Variants in TSHZ1 observed in about 807,000 individuals in gnomAD.
TSHZ1 encodes teashirt zinc finger homeobox 1.
A neutral mutation model predicts 67.1 loss-of-function variants in TSHZ1; 12 were observed. That is an observed-to-expected ratio of 0.18 (90% CI 0.11 to 0.29). The LOEUF (loss-of-function observed/expected upper bound fraction) is 0.29, where lower values mean the gene tolerates loss of function less well. Ranked by LOEUF, TSHZ1 falls within the 10% of genes least tolerant of loss-of-function variation. TSHZ1 has a pLI of 1.00. For missense variants in TSHZ1, 1,305 were observed against 1,413.9 expected (o/e 0.92, Z 1.23); for synonymous variants, 632 against 622.4 (o/e 1.02, Z -0.23).
At position 75,211,831 on chromosome 18, in the gene TSHZ1, C is replaced by G; in HGVS notation, c.-46C>G. ...CGGGGCCCCGCGTCCCCGCGCCCCG[C>G]GAACTCCGGCGGCGGCTGAGGCGAC... On this transcript the variant is annotated 5_prime_UTR_variant, in exon 1 of 2. Coordinates refer to ENST00000580243, the MANE Select transcript of TSHZ1 (RefSeq NM_001308210.2). The G allele has an allele frequency of 9.0e-7, 1 of 1,112,170 alleles. No individual in the cohort carries two copies. The highest frequency in any genetic ancestry group is 1.1e-6 in the Non-Finnish European group (1 of 912,204). 68.9% of individuals were successfully genotyped at this position (1,112,170 alleles called of 1,614,324 possible).
chr18:75,235,278 A>T (rs2023052992), intron 1 of TSHZ1, among the ~76,000 whole-genome samples: 1 of 152,106 alleles, frequency 6.6e-6, no homozygotes, highest in South Asian at 2.1e-4. Context: ...CCTTATGCTC[A>T]TTCTTGCCTT....
intron 1 of TSHZ1, among the ~76,000 whole-genome samples, chr18:75,218,668 A>G (rs1439203645): frequency 6.6e-6 from 1 of 152,258 alleles, no homozygotes; most frequent in Middle Eastern, 3.4e-3. Context: ...GAGCCGTTCC[A>G]CCCTAGCAGC....
chr18:75,270,822 CT>C (rs1474721353), intron 1 of TSHZ1, among the ~76,000 whole-genome samples: 1 of 152,002 alleles, frequency 6.6e-6, no homozygotes, highest in African/African-American at 2.4e-5. Context: ...AATGTATTTT[CT>C]TTTTTTCTGA....
At chr18:75,273,057 G>A (rs913134688) in intron 1 of TSHZ1, among the ~76,000 whole-genome samples, 6 of 152,180 alleles carry the variant, frequency 3.9e-5, no homozygotes, top group Non-Finnish European at 5.9e-5. Context: ...TCCATAGTGC[G>A]TGTGGGTATT....
At chr18:75,241,885 C>T (rs375287423) in intron 1 of TSHZ1, among the ~76,000 whole-genome samples, 75 of 149,004 alleles carry the variant, frequency 5.0e-4, no homozygotes, top group African/African-American at 1.4e-3. Flanking sequence ...CTGCCTTCTC[C>T]GTGTGTCCTC....
intron 1 of TSHZ1, among the ~76,000 whole-genome samples, chr18:75,245,581 T>A (rs1429318614): frequency 6.6e-6 from 1 of 152,230 alleles, no homozygotes; most frequent in African/African-American, 2.4e-5. Flanking sequence ...ACCGCAAGAA[T>A]GGAGAATTTT....
intron 1 of TSHZ1, among the ~76,000 whole-genome samples, chr18:75,224,660 C>G (rs1025708547): frequency 6.6e-6 from 1 of 152,088 alleles, no homozygotes; most frequent in Non-Finnish European, 1.5e-5. Flanking sequence ...AACATTTGGA[C>G]TCGATTTGGA....
chr18:75,289,582 ATTTTAATCTCTTCAACTTTCTTTGTACC>A lies in TSHZ1; in HGVS notation c.*944_*971del. 6.0e-6 allele frequency: 1 copy of A among 167,228 alleles called. No homozygotes were observed. The highest frequency in any genetic ancestry group is 1.5e-5 in the Non-Finnish European group (1 of 68,118). The allele number at this position is 167,228 out of a possible 1,614,324, so 10.4% of individuals were successfully genotyped here. A position where few individuals can be genotyped will look rare whatever the true frequency, so the allele number is the denominator to read the frequency against. On this transcript the variant is annotated 3_prime_UTR_variant, in exon 2 of 2. Coordinates refer to ENST00000580243, the MANE Select transcript of TSHZ1 (RefSeq NM_001308210.2). ...ACTCCTGTATGTTACATATCGTACCATTTTAATCTCTTCAACTTTCTTTGTACCTTCTGGCTGTATGCTTTCTCTTTTA... is the reference window on the plus strand; with the variant it reads ...ACTCCTGTATGTTACATATCGTACCATTCTGGCTGTATGCTTTCTCTTTTA...
chr18:75,253,166 T>C (rs1043254284), intron 1 of TSHZ1, among the ~76,000 whole-genome samples: 6 of 152,242 alleles, frequency 3.9e-5, no homozygotes, highest in Admixed American at 3.3e-4. Context: ...TTTTCTCCTT[T>C]GTGAATGGAC....
rs140567456 is a variant in TSHZ1 at position 75,225,058 on chromosome 18, C to A, written c.40+13142C>A. 1.2e-3 allele frequency among the ~76,000 whole-genome samples: 183 copies of A among 151,572 alleles called. 1 individual carries two copies. Among genetic ancestry groups the A allele is most frequent in the African/African-American group, 3.1e-3 (127 of 41,300 alleles). The stretch of plus-strand genomic sequence containing the variant: ...CTTTTGGTAAAATTTGAGTTTATTT[C>A]TACTTATGAAATTGGAAATAAGCTG... On this transcript the variant is annotated intron_variant, in intron 1 of 1. Coordinates refer to ENST00000580243, the MANE Select transcript of TSHZ1 (RefSeq NM_001308210.2).
At chr18:75,276,707 T>A (rs765516336) in intron 1 of TSHZ1, among the ~76,000 whole-genome samples, 2 of 152,228 alleles carry the variant, frequency 1.3e-5, no homozygotes, top group Non-Finnish European at 2.9e-5. Flanking sequence ...GGTATCACAT[T>A]TGCCAGTCTG....
At chr18:75,269,264 A>G (rs564529799) in intron 1 of TSHZ1, among the ~76,000 whole-genome samples, 1 of 152,318 alleles carries the variant, frequency 6.6e-6, no homozygotes, top group South Asian at 2.1e-4. Flanking sequence ...GCGTCTGCTC[A>G]TTCTGTAATT....
intron 1 of TSHZ1, among the ~76,000 whole-genome samples, chr18:75,238,114 T>C (rs1006759661): frequency 3.9e-5 from 6 of 152,336 alleles, no homozygotes; most frequent in Admixed American, 3.3e-4. Flanking sequence ...TGAAGCCTTC[T>C]TAAACAGGCT....
intron 1 of TSHZ1, among the ~76,000 whole-genome samples, chr18:75,240,548 A>G (rs1450350734): frequency 6.6e-6 from 1 of 152,290 alleles, no homozygotes; most frequent in Non-Finnish European, 1.5e-5. Context: ...TGCTGTGAAC[A>G]GTGAGATTTT....
rs2022692936 is a variant in TSHZ1, at chr18:75,211,709, C to T, written c.-168C>T. On this transcript the variant is annotated 5_prime_UTR_variant, in exon 1 of 2. Coordinates refer to ENST00000580243, the MANE Select transcript of TSHZ1 (RefSeq NM_001308210.2). Reference sequence around the variant, plus strand: ...CTGAGCGGCCCCGGGCGCGGCGGTCCATGCGAGCGGCTCCCCGCGGTCCGC... The same window carrying T: ...CTGAGCGGCCCCGGGCGCGGCGGTCTATGCGAGCGGCTCCCCGCGGTCCGC... 3 of 196,944 alleles carry T rather than the reference C, an allele frequency of 1.5e-5. No homozygotes were observed. The highest frequency in any genetic ancestry group is 4.9e-5 in the African/African-American group (2 of 40,940). 12.2% of individuals were successfully genotyped at this position (196,944 alleles called of 1,614,324 possible).
At chr18:75,228,183 C>A (rs759827867) in intron 1 of TSHZ1, among the ~76,000 whole-genome samples, 3 of 152,176 alleles carry the variant, frequency 2.0e-5, no homozygotes, top group Admixed American at 2.0e-4. Context: ...TTTCTTACTG[C>A]AAGGAAACAA....
rs939571595 is a variant in TSHZ1, at chr18:75,276,771, C to T, written c.41-8677C>T. 4.6e-5 allele frequency among the ~76,000 whole-genome samples: 7 copies of T among 152,200 alleles called. No individual in the cohort carries two copies. In the South Asian group the frequency reaches 8.3e-4, roughly 18 times the overall value. On this transcript the variant is annotated intron_variant, in intron 1 of 1. Transcript: ENST00000580243. ...AATTTGGTAAGATTATATAGTTTCA[C>T]CAGGTGGCAATACAATAGTGAAATT...
At position 75,211,018 on chromosome 18, in the gene TSHZ1, T is replaced by G; in HGVS notation, c.-859T>G. The stretch of plus-strand genomic sequence containing the variant: ...TTTTTCTTGGAGGGGGGGGTGCTTT[T>G]TGTGTATTTTTCAAATTTTTTTCTG... On this transcript the variant is annotated 5_prime_UTR_variant, in exon 1 of 2. Coordinates refer to ENST00000580243, the MANE Select transcript of TSHZ1 (RefSeq NM_001308210.2). The G allele has an allele frequency of 6.6e-6, 1 of 151,732 alleles. No homozygotes were observed. Among genetic ancestry groups the G allele is most frequent in the African/African-American group, 2.4e-5 (1 of 41,218 alleles). The allele number at this position is 151,732 out of a possible 1,614,324, so 9.4% of individuals were successfully genotyped here. A position where few individuals can be genotyped will look rare whatever the true frequency, so the allele number is the denominator to read the frequency against.
chr18:75,214,198 TTGCTTTC>T (rs2022736717), intron 1 of TSHZ1, among the ~76,000 whole-genome samples: 1 of 152,230 alleles, frequency 6.6e-6, no homozygotes, highest in Non-Finnish European at 1.5e-5. Flanking sequence ...ATAAGGCTGT[TTGCTTTC>T]ATCTGGAATT....
Sources: gnomAD v4.1 joint callset for allele counts (sites outside exome capture counted in the v4.1 genomes callset) on GRCh38, gnomAD v4.1.1 for gene constraint, MANE v1.5 for transcripts, NCBI Gene and HGNC (gene_info 2026-07-23, HGNC 2026-07-21) for gene names.